DDX10: variants seen among roughly 807,000 people sequenced by gnomAD.
DDX10 encodes probable ATP-dependent RNA helicase DDX10.
In DDX10, 74 loss-of-function variants were observed where a neutral mutation model predicts 104.3. The observed-to-expected ratio is 0.71, with a 90% CI of 0.59 to 0.86. DDX10 has a LOEUF of 0.86. DDX10 is among the 40% of genes least tolerant of loss of function. The pLI is 0.00. For synonymous variants in DDX10, 351 were observed against 353.4 expected, an observed-to-expected ratio of 0.99 and a Z score of 0.08; for missense variants, 952 against 1,040.0, an observed-to-expected ratio of 0.92 and a Z score of 1.16.
At chr11:108,789,590 G>C (rs559960104) in intron 13 of DDX10, among the ~76,000 whole-genome samples, 1 of 152,266 alleles carries the variant, frequency 6.6e-6, no homozygotes, top group South Asian at 2.1e-4. Flanking sequence ...TTCTTGTCTG[G>C]CTCATGTAAA....
At chr11:108,810,544 A>G (rs1862165349) in intron 13 of DDX10, among the ~76,000 whole-genome samples, 1 of 152,140 alleles carries the variant, frequency 6.6e-6, no homozygotes, top group Non-Finnish European at 1.5e-5. Flanking sequence ...GACAGTGTTG[A>G]GAGTGGTGCG....
At chr11:108,913,419 C>G (rs541069103) in intron 16 of DDX10, among the ~76,000 whole-genome samples, 1 of 152,238 alleles carries the variant, frequency 6.6e-6, no homozygotes, top group South Asian at 2.1e-4. Context: ...CTGCCTTAGT[C>G]TGGCTTAGTG....
chr11:108,817,537 T>C (rs1446961729), intron 13 of DDX10, among the ~76,000 whole-genome samples: 1 of 152,192 alleles, frequency 6.6e-6, no homozygotes, highest in East Asian at 1.9e-4. Context: ...CCTTTGTCTC[T>C]AACACTTAAA....
In DDX10 at chr11:108,915,482, C is replaced by T. The variant is rs117114483; in HGVS notation, c.2305-2391C>T. ...TTTTGTTTGTTTGTTTTAAAGACAT[C>T]GATGGTGGATAACAAATGTGACTTT... On this transcript the variant is annotated intron_variant, in intron 16 of 17. Coordinates refer to ENST00000322536, the MANE Select transcript of DDX10 (RefSeq NM_004398.4). Among the ~76,000 whole-genome samples, 957 of 144,762 alleles carry T rather than the reference C, an allele frequency of 6.6e-3. 8 individuals carry two copies. Among genetic ancestry groups the T allele is most frequent in the Middle Eastern group, 0.043 (11 of 258 alleles). The allele number at this position is 144,762 out of a possible 152,430, so 95.0% of individuals were successfully genotyped here. A position where few individuals can be genotyped will look rare whatever the true frequency, so the allele number is the denominator to read the frequency against.
At chr11:108,732,114 C>G (rs538857003) in intron 13 of DDX10, among the ~76,000 whole-genome samples, 17 of 152,072 alleles carry the variant, frequency 1.1e-4, no homozygotes, top group Non-Finnish European at 2.4e-4. Context: ...CAGTAGGAAC[C>G]CATTGGATTG....
chr11:108,732,595 C>T (rs1206158489), intron 13 of DDX10, among the ~76,000 whole-genome samples: 2 of 152,132 alleles, frequency 1.3e-5, no homozygotes, highest in African/African-American at 4.8e-5. Context: ...TTCTGTTTGA[C>T]GAGATCGATG....
intron 16 of DDX10, among the ~76,000 whole-genome samples, chr11:108,861,847 C>A (rs747993940): frequency 9.2e-5 from 14 of 152,132 alleles, no homozygotes; most frequent in Admixed American, 8.5e-4. Context: ...CATGGTTAAA[C>A]CCTGTCTCTA....
intron 17 of DDX10, 111 bp from the exon 18 acceptor site, chr11:108,940,135 C>A: frequency 8.5e-7 from 1 of 1,170,342 alleles, no homozygotes; most frequent in East Asian, 2.6e-5. Flanking sequence ...GCCATGGTTT[C>A]CTTCATTCTT....
In DDX10 at chr11:108,838,496, A is replaced by G. The variant is rs760112514; in HGVS notation, c.2016A>G (p.Ala672=). ...TCAAGAAAAAAATGACCAAAGTTGC[A>G]GAAGCAAAAAAAGTAATGAAGAGAA... ...SSIKKKMTKV[A]EAKKVMKRNF... Residue 672 remains alanine, a synonymous_variant, in exon 14 of 18, where the codon GCA becomes GCG. Coordinates refer to ENST00000322536, the MANE Select transcript of DDX10 (RefSeq NM_004398.4). 2 of 1,613,176 alleles carry G rather than the reference A, an allele frequency of 1.2e-6. No individual in the cohort carries two copies. Among genetic ancestry groups the G allele is most frequent in the South Asian group, 1.1e-5 (1 of 90,958 alleles).
At chr11:108,880,798 T>G (rs1863218274) in intron 16 of DDX10, among the ~76,000 whole-genome samples, 2 of 152,208 alleles carry the variant, frequency 1.3e-5, no homozygotes, top group African/African-American at 2.4e-5. Flanking sequence ...TCCTTAAGTA[T>G]GTAATCAAAG....
At chr11:108,876,602 G>A (rs921415948) in intron 16 of DDX10, among the ~76,000 whole-genome samples, 9 of 152,142 alleles carry the variant, frequency 5.9e-5, no homozygotes, top group African/African-American at 2.2e-4. Flanking sequence ...TCTTGAACAA[G>A]TTTCTTAAAC....
At chr11:108,808,330 A>G (rs535350144) in intron 13 of DDX10, among the ~76,000 whole-genome samples, 24 of 149,616 alleles carry the variant, frequency 1.6e-4, no homozygotes, top group African/African-American at 5.9e-4. Flanking sequence ...AATGCTGAGC[A>G]GTTTAGGATT....
chr11:108,797,708 T>C (rs528141554), intron 13 of DDX10, among the ~76,000 whole-genome samples: 1 of 152,248 alleles, frequency 6.6e-6, no homozygotes, highest in African/African-American at 2.4e-5. Flanking sequence ...TAAATACTTC[T>C]ATTGTGCTTG....
At chr11:108,792,059 G>A (rs911833182) in intron 13 of DDX10, among the ~76,000 whole-genome samples, 8 of 152,018 alleles carry the variant, frequency 5.3e-5, no homozygotes, top group East Asian at 1.9e-4. Context: ...TCCTTCATGC[G>A]TTTACCTTTT....
At chr11:108,698,572 A>G (rs895677012) in intron 9 of DDX10, among the ~76,000 whole-genome samples, 11 of 152,126 alleles carry the variant, frequency 7.2e-5, no homozygotes, top group African/African-American at 2.7e-4. Flanking sequence ...AGGAGGGCTG[A>G]TATTTCTTAG....
chr11:108,899,933 G>A (rs1390711119), intron 16 of DDX10, among the ~76,000 whole-genome samples: 2 of 152,134 alleles, frequency 1.3e-5, no homozygotes, highest in Admixed American at 1.3e-4. Flanking sequence ...GACCAACATG[G>A]TGAAACCTCA....
At chr11:108,695,461 C>T (rs2094258416) in intron 9 of DDX10, among the ~76,000 whole-genome samples, 1 of 152,218 alleles carries the variant, frequency 6.6e-6, no homozygotes, top group Non-Finnish European at 1.5e-5. Context: ...TCCTGTTTGG[C>T]AGGCTTGCTT....
At chr11:108,926,364 A>T (rs990479005) in intron 17 of DDX10, among the ~76,000 whole-genome samples, 10 of 152,220 alleles carry the variant, frequency 6.6e-5, no homozygotes, top group African/African-American at 2.4e-4. Context: ...TGCCAGCCCC[A>T]AATGGCGTTG....
chr11:108,683,881 G>A (rs2094238987), intron 6 of DDX10, among the ~76,000 whole-genome samples: 1 of 151,950 alleles, frequency 6.6e-6, no homozygotes, highest in Non-Finnish European at 1.5e-5. Flanking sequence ...TTTTGGTGGG[G>A]GGTGGAGGTT....
Sources: allele counts gnomAD v4.1 joint callset (sites outside exome capture counted in the v4.1 genomes callset), GRCh38; gene constraint gnomAD v4.1.1; transcripts MANE v1.5; gene names NCBI Gene and HGNC (gene_info 2026-07-23, HGNC 2026-07-21).